PPARGC1A: variants seen among roughly 807,000 people sequenced by gnomAD.
The protein encoded by PPARGC1A is PPARG coactivator 1 alpha.
A neutral mutation model predicts 88.7 loss-of-function variants in PPARGC1A; 25 were observed. The observed-to-expected ratio is 0.28, with a 90% confidence interval of 0.21 to 0.39. The LOEUF (loss-of-function observed/expected upper bound fraction) is 0.39, where lower values mean the gene tolerates loss of function less well. PPARGC1A is among the 10% of genes least tolerant of loss of function. PPARGC1A has a pLI of 1.00. For synonymous variants in PPARGC1A, 363 were observed against 355.6 expected, an observed-to-expected ratio of 1.02 and a Z score of -0.24; for missense variants, 880 against 968.7, an observed-to-expected ratio of 0.91 and a Z score of 1.22.
At chr4:23,887,404 C>T (rs1219915698) in intron 1 of PPARGC1A, among the ~76,000 whole-genome samples, 1 of 152,220 alleles carries the variant, frequency 6.6e-6, no homozygotes, top group Non-Finnish European at 1.5e-5. Flanking sequence ...ACAGTCCAAG[C>T]CCTGTAACTG....
At chr4:23,804,067 C>G (rs1244044675) in intron 10 of PPARGC1A, among the ~76,000 whole-genome samples, 4 of 152,134 alleles carry the variant, frequency 2.6e-5, no homozygotes, top group Non-Finnish European at 2.9e-5. Flanking sequence ...ATGCTCGCCT[C>G]TATTTTTTAT....
chr4:24,456,092 C>G, the PPARGC1A span, among the ~76,000 whole-genome samples: 1 of 152,044 alleles, frequency 6.6e-6, no homozygotes, highest in African/African-American at 2.4e-5. Flanking sequence ...GCCTTTCATG[C>G]CATGCAACAA....
the PPARGC1A span, among the ~76,000 whole-genome samples, chr4:24,176,303 G>A: frequency 3.3e-5 from 5 of 152,238 alleles, no homozygotes; most frequent in South Asian, 1.0e-3. Flanking sequence ...CTTGTGGGGT[G>A]TTTTATTTTT....
At chr4:23,845,957 A>G (rs1728241809) in intron 2 of PPARGC1A, among the ~76,000 whole-genome samples, 1 of 152,160 alleles carries the variant, frequency 6.6e-6, no homozygotes, top group Non-Finnish European at 1.5e-5. Flanking sequence ...CTCATTCATG[A>G]TTATCAGTGA....
the PPARGC1A span, among the ~76,000 whole-genome samples, chr4:24,453,643 G>A: frequency 1.3e-5 from 2 of 152,134 alleles, no homozygotes; most frequent in Non-Finnish European, 2.9e-5. Flanking sequence ...AGCTGGGCGT[G>A]GTGGCACATG....
At chr4:24,314,220 A>G in the PPARGC1A span, among the ~76,000 whole-genome samples, 1 of 152,216 alleles carries the variant, frequency 6.6e-6, no homozygotes. Flanking sequence ...ATTTCACTTT[A>G]TCTTTGAAGT....
intron 2 of PPARGC1A, among the ~76,000 whole-genome samples, chr4:23,856,201 C>A (rs1031391564): frequency 2.0e-5 from 3 of 152,124 alleles, no homozygotes; most frequent in African/African-American, 7.2e-5. Context: ...CCAACACAAC[C>A]ATAAAGAAAA....
chr4:23,964,111 T>C, the PPARGC1A span, among the ~76,000 whole-genome samples: 1 of 152,222 alleles, frequency 6.6e-6, no homozygotes, highest in Non-Finnish European at 1.5e-5. Context: ...TCAATTATGA[T>C]TGCAAATGCT....
the PPARGC1A span, among the ~76,000 whole-genome samples, chr4:23,995,699 C>T: frequency 6.6e-6 from 1 of 152,094 alleles, no homozygotes; most frequent in African/African-American, 2.4e-5. Flanking sequence ...AGAGTTCCTT[C>T]TGTGGGGGAA....
At chr4:24,193,246 A>T in the PPARGC1A span, among the ~76,000 whole-genome samples, 2 of 152,208 alleles carry the variant, frequency 1.3e-5, no homozygotes, top group Non-Finnish European at 2.9e-5. Context: ...ACTCAACAAC[A>T]CATAGCAGGA....
chr4:24,134,353 T>C, the PPARGC1A span, among the ~76,000 whole-genome samples: 2 of 152,268 alleles, frequency 1.3e-5, no homozygotes, highest in Non-Finnish European at 2.9e-5. Context: ...TTCTTTTTCA[T>C]AAAGTAAGCT....
chr4:23,940,456 AG>A, the PPARGC1A span, among the ~76,000 whole-genome samples: 1 of 152,236 alleles, frequency 6.6e-6, no homozygotes, highest in Non-Finnish European at 1.5e-5. Context: ...CAATTGTCCA[AG>A]GAAGAAGGAC....
chr4:23,935,841 A>T, the PPARGC1A span, among the ~76,000 whole-genome samples: 1 of 152,072 alleles, frequency 6.6e-6, no homozygotes, highest in Non-Finnish European at 1.5e-5. Context: ...CATTATCCTA[A>T]CTGAAGCCCT....
At chr4:23,877,955 G>A (rs914379559) in intron 2 of PPARGC1A, 10 of 152,186 alleles carry the variant, frequency 6.6e-5, no homozygotes, top group African/African-American at 2.4e-4. Context: ...CAAATAGACA[G>A]TTTGTCCAAT....
chr4:24,160,696 G>A, the PPARGC1A span, among the ~76,000 whole-genome samples: 1 of 152,124 alleles, frequency 6.6e-6, no homozygotes, highest in Non-Finnish European at 1.5e-5. Flanking sequence ...CCTTCCCCTT[G>A]TAGAAAATAA....
chr4:23,821,007 T>C (rs562358810), intron 7 of PPARGC1A, among the ~76,000 whole-genome samples: 74 of 152,254 alleles, frequency 4.9e-4, no homozygotes, highest in African/African-American at 1.8e-3. Flanking sequence ...GCCACCCACC[T>C]GCTGCACCTA....
At chr4:23,840,107 T>C (rs1001313865) in intron 2 of PPARGC1A, among the ~76,000 whole-genome samples, 1 of 152,152 alleles carries the variant, frequency 6.6e-6, no homozygotes, top group African/African-American at 2.4e-5. Context: ...ACCCCTCTTC[T>C]GACCAAACCC....
the PPARGC1A span, among the ~76,000 whole-genome samples, chr4:24,261,930 C>T: frequency 6.6e-6 from 1 of 152,166 alleles, no homozygotes; most frequent in Non-Finnish European, 1.5e-5. Flanking sequence ...GCTGTGTGTG[C>T]TAAAAGCCTG....
the PPARGC1A span, among the ~76,000 whole-genome samples, chr4:24,464,876 C>A: frequency 6.6e-6 from 1 of 152,206 alleles, no homozygotes; most frequent in African/African-American, 2.4e-5. Flanking sequence ...CCCAGCGTAA[C>A]CTCTTCTGGT....
Sources: gnomAD v4.1 joint callset for allele counts (sites outside exome capture counted in the v4.1 genomes callset) on GRCh38, gnomAD v4.1.1 for gene constraint, MANE v1.5 for transcripts, NCBI Gene and HGNC (gene_info 2026-07-23, HGNC 2026-07-21) for gene names.